Variants in NPAS3 observed in about 807,000 individuals in gnomAD.
The protein encoded by NPAS3 is neuronal PAS domain protein 3.
In NPAS3, 14 loss-of-function variants were observed where a neutral mutation model predicts 73.1. The observed-to-expected ratio is 0.19, with a 90% CI of 0.13 to 0.30. The LOEUF is 0.30. Among genes scored for constraint, NPAS3 ranks in the 10% least tolerant of loss-of-function variants. The pLI is 1.00. For synonymous variants in NPAS3, 620 were observed against 541.5 expected (o/e 1.14, Z -2.01); for missense variants, 1,096 against 1,250.0 (o/e 0.88, Z 1.86).
intron 7 of NPAS3, among the ~76,000 whole-genome samples, chr14:33,757,773 G>T (rs2062160915): frequency 6.6e-6 from 1 of 152,190 alleles, no homozygotes; most frequent in South Asian, 2.1e-4. Flanking sequence ...CTGATGAAAT[G>T]GAAGCATTCG....
At chr14:33,718,849 G>A (rs1314162123) in intron 6 of NPAS3, among the ~76,000 whole-genome samples, 29 of 152,178 alleles carry the variant, frequency 1.9e-4, no homozygotes, top group Non-Finnish European at 8.8e-5. Flanking sequence ...GCTGCGGCCA[G>A]GTACGGTGGC....
intron 7 of NPAS3, among the ~76,000 whole-genome samples, chr14:33,758,759 C>G (rs1209822513): frequency 6.6e-6 from 1 of 152,104 alleles, no homozygotes; most frequent in Non-Finnish European, 1.5e-5. Flanking sequence ...CAGAAAAAGC[C>G]TACTCAAACA....
intron 4 of NPAS3, among the ~76,000 whole-genome samples, chr14:33,530,177 G>A (rs528544697): frequency 5.3e-5 from 8 of 152,090 alleles, no homozygotes; most frequent in South Asian, 2.1e-4. Flanking sequence ...ATTACAAAAC[G>A]GTTTAATTAT....
intron 1 of NPAS3, among the ~76,000 whole-genome samples, chr14:32,969,446 A>G (rs1476397194): frequency 6.6e-6 from 1 of 152,160 alleles, no homozygotes; most frequent in Non-Finnish European, 1.5e-5. Context: ...AAAATGTACT[A>G]ATAATATGCC....
At chr14:33,205,587 A>G (rs1028038085) in intron 2 of NPAS3, among the ~76,000 whole-genome samples, 1 of 152,198 alleles carries the variant, frequency 6.6e-6, no homozygotes, top group African/African-American at 2.4e-5. Flanking sequence ...TGAGAGAAGG[A>G]GTATACAGTT....
chr14:33,392,749 C>A (rs1432523390), intron 4 of NPAS3, among the ~76,000 whole-genome samples: 1 of 152,116 alleles, frequency 6.6e-6, no homozygotes, highest in Admixed American at 6.6e-5. Flanking sequence ...TTACACATCA[C>A]CGCTCGTGTT....
chr14:32,955,010 T>C, intron 1 of NPAS3, among the ~76,000 whole-genome samples: 1 of 152,164 alleles, frequency 6.6e-6, no homozygotes, highest in Admixed American at 6.5e-5. Context: ...TATGGTGGCA[T>C]GGGCATTCTT....
chr14:33,342,604 CTG>C (rs1314240781), intron 3 of NPAS3, among the ~76,000 whole-genome samples: 1 of 152,164 alleles, frequency 6.6e-6, no homozygotes, highest in Non-Finnish European at 1.5e-5. Context: ...CTTGATAAGC[CTG>C]TGTGTTTTTC....
chr14:33,443,347 T>C (rs952021302), intron 4 of NPAS3, among the ~76,000 whole-genome samples: 10 of 152,230 alleles, frequency 6.6e-5, no homozygotes, highest in Admixed American at 1.3e-4. Context: ...GATCACTGGT[T>C]TCTTTTACAG....
intron 5 of NPAS3, among the ~76,000 whole-genome samples, chr14:33,597,433 G>A (rs1348346319): frequency 6.6e-6 from 1 of 152,176 alleles, no homozygotes; most frequent in Non-Finnish European, 1.5e-5. Context: ...CATATGTCAT[G>A]GGAACATAAA....
intron 4 of NPAS3, among the ~76,000 whole-genome samples, chr14:33,418,562 T>C (rs2048248083): frequency 6.6e-6 from 1 of 152,018 alleles, no homozygotes; most frequent in Non-Finnish European, 1.5e-5. Context: ...TCTTACATTC[T>C]TTTCTATAAA....
intron 3 of NPAS3, among the ~76,000 whole-genome samples, chr14:33,237,628 A>G (rs2048078884): frequency 1.3e-5 from 2 of 152,078 alleles, no homozygotes; most frequent in South Asian, 4.1e-4. Context: ...GAGAGGCAAC[A>G]TGCTAGTTAT....
chr14:33,531,293 C>T (rs1359774884), intron 4 of NPAS3, among the ~76,000 whole-genome samples: 1 of 152,034 alleles, frequency 6.6e-6, no homozygotes, highest in Non-Finnish European at 1.5e-5. Flanking sequence ...TGTAACCACC[C>T]ATCACAATCT....
intron 4 of NPAS3, among the ~76,000 whole-genome samples, chr14:33,538,239 T>C (rs2054344797): frequency 6.6e-6 from 1 of 151,848 alleles, no homozygotes; most frequent in South Asian, 2.1e-4. Flanking sequence ...AGCTCAAAGG[T>C]CCTAAAGGAC....
At chr14:33,775,351 A>G (rs530460958) in intron 8 of NPAS3, among the ~76,000 whole-genome samples, 1 of 152,236 alleles carries the variant, frequency 6.6e-6, no homozygotes, top group East Asian at 1.9e-4. Flanking sequence ...AGGGAGAAAT[A>G]CTGCGTCAAT....
At chr14:33,210,448 G>A (rs1265449770) in intron 2 of NPAS3, among the ~76,000 whole-genome samples, 1 of 152,128 alleles carries the variant, frequency 6.6e-6, no homozygotes, top group Non-Finnish European at 1.5e-5. Context: ...AATAGAAGTT[G>A]AGGAGGCAGC....
chr14:33,339,076 T>G (rs565302599), intron 3 of NPAS3, among the ~76,000 whole-genome samples: 1 of 152,354 alleles, frequency 6.6e-6, no homozygotes, highest in South Asian at 2.1e-4. Context: ...TTTGTTTTAA[T>G]TGTATTTGTG....
intron 2 of NPAS3, among the ~76,000 whole-genome samples, chr14:33,188,960 G>C (rs2139491788): frequency 6.6e-6 from 1 of 152,252 alleles, no homozygotes; most frequent in Admixed American, 6.5e-5. Flanking sequence ...GAGACAGATT[G>C]TTCCTCAATA....
chr14:33,556,493 A>G (rs144183514), intron 4 of NPAS3, among the ~76,000 whole-genome samples: 1 of 152,328 alleles, frequency 6.6e-6, no homozygotes, highest in East Asian at 1.9e-4. Context: ...AGCACTGAGC[A>G]TGGAGGTAGA....
Sources: allele counts gnomAD v4.1 joint callset (sites outside exome capture counted in the v4.1 genomes callset), GRCh38; gene constraint gnomAD v4.1.1; transcripts MANE v1.5; gene names NCBI Gene and HGNC (gene_info 2026-07-23, HGNC 2026-07-21).